Variants in MCF2L observed in about 807,000 individuals in gnomAD.
MCF2L encodes the protein MCF.2 cell line derived transforming sequence like.
MCF2L carries 97 observed loss-of-function variants against 153.4 expected under a neutral mutation model. That is an observed-to-expected ratio of 0.63 (90% CI 0.54 to 0.75). MCF2L has a LOEUF of 0.75. MCF2L is among the 30% of genes least tolerant of loss of function. The pLI is 0.00. For missense variants in MCF2L, 1,347 were observed against 1,495.2 expected, an observed-to-expected ratio of 0.90 and a Z score of 1.64; for synonymous variants, 659 against 632.2, an observed-to-expected ratio of 1.04 and a Z score of -0.64.
At chr13:113,007,916 CTTTTT>C (rs55800416) in intron 1 of MCF2L, among the ~76,000 whole-genome samples, 2 of 112,956 alleles carry the variant, frequency 1.8e-5, no homozygotes, top group African/African-American at 3.2e-5. Flanking sequence ...TTTTCTTTTT[CTTTTT>C]TTTTTTTTTT....
intron 1 of MCF2L, chr13:113,002,064 C>T (rs990299578): frequency 1.1e-5 from 15 of 1,395,108 alleles, no homozygotes; most frequent in Middle Eastern, 2.6e-4. Context: ...CGGGGGTGGA[C>T]GTTCTGGGCC....
Position 113,097,401 on chromosome 13 carries a change from T to C in MCF2L, c.*542T>C, listed in dbSNP as rs1230158205. The C allele has an allele frequency of 6.6e-6, 1 of 152,484 alleles. No individual in the cohort carries two copies. The highest frequency in any genetic ancestry group is 1.5e-5 in the Non-Finnish European group (1 of 68,196). 9.4% of individuals were successfully genotyped at this position (152,484 alleles called of 1,614,324 possible). On this transcript the variant is annotated 3_prime_UTR_variant, in exon 30 of 30. Coordinates refer to ENST00000535094, the MANE Select transcript of MCF2L (RefSeq NM_001112732.3). ...TTTGATACTGTATTTGATAGAAAAC[T>C]ATTTTTTTGTTACCGGGGTTTACAT...
chr13:113,087,006 A>C (rs1209477200), intron 21 of MCF2L, among the ~76,000 whole-genome samples: 1 of 152,142 alleles, frequency 6.6e-6, no homozygotes, highest in African/African-American at 2.4e-5. Flanking sequence ...CACACAGAGC[A>C]GCTTCACTGT....
At chr13:113,062,905 G>A (rs1052065323) in intron 5 of MCF2L, among the ~76,000 whole-genome samples, 1 of 152,194 alleles carries the variant, frequency 6.6e-6, no homozygotes, top group African/African-American at 2.4e-5. Flanking sequence ...TAACCGTGTG[G>A]GAACTGCCAG....
At chr13:113,065,439 G>C (rs559856410) in intron 7 of MCF2L, 1 of 293,312 alleles carries the variant, frequency 3.4e-6, no homozygotes, top group Non-Finnish European at 6.4e-6. Flanking sequence ...GGGAGCTCCC[G>C]AATAGACATC....
chr13:113,017,917 C>T (rs117219208), intron 2 of MCF2L, among the ~76,000 whole-genome samples: 1,690 of 152,332 alleles, frequency 0.011, 14 homozygotes, highest in Middle Eastern at 0.017. Flanking sequence ...GGAATGGCTC[C>T]GAATTTTCCT....
intron 11 of MCF2L, 101 bp from the exon 12 acceptor site, chr13:113,075,865 C>T (rs1365296975): frequency 2.7e-5 from 25 of 938,590 alleles, no homozygotes; most frequent in East Asian, 8.2e-5. Flanking sequence ...GTCGGTGGCC[C>T]GGGATCTGTC....
intron 3 of MCF2L, among the ~76,000 whole-genome samples, chr13:113,030,228 C>T (rs1196593633): frequency 6.6e-6 from 1 of 152,076 alleles, no homozygotes; most frequent in African/African-American, 2.4e-5. Context: ...CCGGTGTGGA[C>T]TCTCAGGTGT....
In MCF2L at chr13:113,066,144, G is replaced by C; in HGVS notation, c.855G>C (p.Gln285His). Reference protein sequence around the residue: ...EGSEPSVNQDQLDNQATVQRL... With the variant: ...EGSEPSVNQDHLDNQATVQRL... ...CAGAGCCCAGTGTGAACCAGGACCA[G>C]CTTGACAACCAGGCCACCGTGCAGA... Residue 285 changes from glutamine to histidine, a missense_variant, in exon 8 of 30, where the codon CAG becomes CAC. Physicochemically the swap from Gln to His is conservative, Grantham distance 24. Around this residue, in one of 3 missense-constraint regions of MCF2L, gnomAD observed 820 missense variants for 921.2 expected, o/e 0.89. Transcript: ENST00000535094. 2 of 1,612,740 alleles carry C rather than the reference G, an allele frequency of 1.2e-6. No homozygotes were observed. Among genetic ancestry groups the C allele is most frequent in the Non-Finnish European group, 1.7e-6 (2 of 1,179,790 alleles).
At chr13:113,056,988 CGGCGCTGAGTG>C (rs1168306787) in intron 4 of MCF2L, among the ~76,000 whole-genome samples, 1 of 65,008 alleles carries the variant, frequency 1.5e-5, no homozygotes, top group Non-Finnish European at 2.9e-5. Context: ...CTGAGTGTTT[CGGCGCTGAGTG>C]GGTGCTGTGT....
chr13:113,035,917 T>G lies in MCF2L; in HGVS notation c.279-9354T>G, dbSNP rs2086125433. Among the ~76,000 whole-genome samples the G allele has an allele frequency of 6.6e-6, 1 of 152,154 alleles. No individual in the cohort carries two copies. The highest frequency in any genetic ancestry group is 2.1e-4 in the South Asian group (1 of 4,812). On this transcript the variant is annotated intron_variant, in intron 3 of 29. Transcript: ENST00000535094. The surrounding 1 kb of genome is among the most constrained non-coding windows in gnomAD (Gnocchi z 4.4). ...TGTGACAGGCGATGGGGCCTTCCTC[T>G]CTGGTACAGCAGGGGCCTAAGGGAT... is the stretch of plus-strand genomic sequence containing the variant.
chr13:112,937,958 G>GTGATCTCTGAGTGGTTGGTTCATTCAGC (rs2081534673), intron 2 of MCF2L, among the ~76,000 whole-genome samples: 17 of 7,912 alleles, frequency 2.1e-3, no homozygotes, highest in South Asian at 4.2e-3. Flanking sequence ...GTTTATTCAG[G>GTGATCTCTGAGTGGTTGGTTCATTCAGC]TGATCTCTGA....
At position 113,099,724 on chromosome 13, in the gene MCF2L, T is replaced by G. The variant is rs1361818047; in HGVS notation, c.*2865T>G. 2.0e-5 allele frequency: 3 copies of G among 152,110 alleles called. No homozygotes were observed. Among genetic ancestry groups the G allele is most frequent in the Non-Finnish European group, 2.9e-5 (2 of 68,040 alleles). 9.4% of individuals were successfully genotyped at this position (152,110 alleles called of 1,614,324 possible). ...AGAAACTCCATATCAAATAAAAAAT[T>G]TTAAATATGAGAGAACCATTATGAA... On this transcript the variant is annotated 3_prime_UTR_variant, in exon 30 of 30. Coordinates refer to ENST00000535094, the MANE Select transcript of MCF2L (RefSeq NM_001112732.3).
chr13:112,993,606 G>T lies in MCF2L; in HGVS notation c.80-21157G>T, dbSNP rs189213157. ...AGAGAGGTTTCAGGGCAGGAGGGAC[G>T]GGGCTTAGGGATGTTTCTTGGAGAG... On this transcript the variant is annotated intron_variant, in intron 1 of 29. Coordinates refer to ENST00000535094, the MANE Select transcript of MCF2L (RefSeq NM_001112732.3). The surrounding 1 kb of genome is among the most constrained non-coding windows in gnomAD (Gnocchi z 4.6). Among the ~76,000 whole-genome samples, 3 of 152,186 alleles carry T rather than the reference G, an allele frequency of 2.0e-5. No homozygotes were observed. The highest frequency in any genetic ancestry group is 2.9e-5 in the Non-Finnish European group (2 of 68,016).
chr13:113,007,504 A>AG (rs2083785064), intron 1 of MCF2L, among the ~76,000 whole-genome samples: 1 of 152,248 alleles, frequency 6.6e-6, no homozygotes, highest in East Asian at 1.9e-4. Context: ...ACCTGCCAGA[A>AG]GATCAAATTG....
chr13:112,898,709 C>T (rs1464852794), intron 1 of MCF2L, among the ~76,000 whole-genome samples: 2 of 152,184 alleles, frequency 1.3e-5, no homozygotes, highest in Non-Finnish European at 2.9e-5. Flanking sequence ...CCCAGACGGC[C>T]TCCCTGCCCC....
chr13:112,904,318 A>C lies in MCF2L; in HGVS notation c.169+1947A>C, dbSNP rs556776257. ...GCTCTCCCAGGCTCAGGAGCATGTC[A>C]GGGTCCACCGTGCACCAGCCGTGGA... On this transcript the variant is annotated intron_variant, in intron 2 of 29. Coordinates refer to the MCF2L transcript ENST00000375608. This position sits in a 1 kb window ranked among gnomAD's most constrained non-coding sequence, Gnocchi z 4.2. Among the ~76,000 whole-genome samples the C allele has an allele frequency of 6.6e-6, 1 of 152,082 alleles. No individual in the cohort carries two copies. Among genetic ancestry groups the C allele is most frequent in the Non-Finnish European group, 1.5e-5 (1 of 68,002 alleles).
intron 2 of MCF2L, among the ~76,000 whole-genome samples, chr13:112,949,956 C>G (rs2081675132): frequency 3.3e-5 from 5 of 150,106 alleles, no homozygotes. Flanking sequence ...GAAACAGTCT[C>G]TGGTTACAGA....
At chr13:112,940,287 C>T (rs867728739) in intron 2 of MCF2L, among the ~76,000 whole-genome samples, 1 of 152,208 alleles carries the variant, frequency 6.6e-6, no homozygotes, top group Non-Finnish European at 1.5e-5. Context: ...GCCAGAAACT[C>T]TAGTTGTTCA....
Sources: allele counts gnomAD v4.1 joint callset (sites outside exome capture counted in the v4.1 genomes callset), GRCh38; gene constraint gnomAD v4.1.1; regional missense constraint gnomAD v4.1.1; non-coding constraint Gnocchi (gnomAD v3.1); transcripts MANE v1.5; gene names NCBI Gene and HGNC (gene_info 2026-07-23, HGNC 2026-07-21).